The following SIDT1 variants were observed in gnomAD, a reference collection of about 807,000 sequenced individuals.
The protein encoded by SIDT1 is SID1 transmembrane family, member 1.
In SIDT1, 101 loss-of-function variants were observed where a neutral mutation model predicts 107.5. The ratio of observed to expected loss-of-function variants is 0.94; its 90% CI spans 0.80 to 1.11. The LOEUF (loss-of-function observed/expected upper bound fraction) is 1.11. Ranked by LOEUF, SIDT1 falls within the 50% of genes least tolerant of loss-of-function variation. SIDT1 has a pLI of 0.00. For synonymous variants in SIDT1, 395 were observed against 398.2 expected (o/e 0.99, Z 0.10); for missense variants, 1,076 against 1,058.2 (o/e 1.02, Z -0.23).
rs1442906232 is a variant in SIDT1 at position 113,626,230 on chromosome 3, A to G, written c.2421+15A>G. On this transcript the variant is annotated intron_variant, in intron 24 of 24. Transcript: ENST00000264852. ...TCTCATTCTTGGTGAGTTCATATCT[A>G]TCTTTTTGTGACTTTCTTCTCTCTT... is the stretch of plus-strand genomic sequence containing the variant. The G allele has an allele frequency of 6.5e-7, 1 of 1,547,992 alleles. No homozygotes were observed.
In SIDT1 at chr3:113,567,583, T is replaced by C. The variant is rs767861671; in HGVS notation, c.388T>C (p.Cys130Arg). 6.2e-7 allele frequency: 1 copy of C among 1,614,152 alleles called. No homozygotes were observed. Among genetic ancestry groups the C allele is most frequent in the Non-Finnish European group, 8.5e-7 (1 of 1,180,020 alleles). ...CTATCAAGAAGTGAGCCGCACCTTA[T>C]GTCCCTCAGAAGCAACCAATGAGAC... ...YNYQEVSRTL[C>R]PSEATNETGP... is the part of the protein sequence containing the mutation. Residue 130 changes from cysteine to arginine, a missense_variant, in exon 3 of 25, where the codon TGT (cysteine) becomes CGT (arginine). Cys to Arg is a radical substitution (Grantham distance 180). Transcript: ENST00000264852.
In SIDT1 at chr3:113,547,847, AG is replaced by A. The variant is rs561305818; in HGVS notation, c.222+14608del. Among the ~76,000 whole-genome samples the A allele has an allele frequency of 7.9e-5, 12 of 152,250 alleles. 1 individual carries two copies. In the South Asian group the frequency reaches 2.5e-3, roughly 32 times the overall value. Reference sequence around the variant, plus strand: ...TCTACAGTTGGTCTCAAGACTGGCCAGGGGTGCTAATACGTAATTATTAATA... The same window carrying A: ...TCTACAGTTGGTCTCAAGACTGGCCAGGGTGCTAATACGTAATTATTAATA... On this transcript the variant is annotated intron_variant, in intron 1 of 24. Coordinates refer to ENST00000264852, the MANE Select transcript of SIDT1 (RefSeq NM_017699.3).
chr3:113,576,832 T>G (rs1001080612), intron 3 of SIDT1, 90 bp from the exon 4 acceptor site: 1 of 1,376,510 alleles, frequency 7.3e-7, no homozygotes, highest in African/African-American at 1.4e-5. Context: ...TACTTTAAGA[T>G]GGCTTTCTTT....
the SIDT1 span, among the ~76,000 whole-genome samples, chr3:113,634,882 G>T: frequency 6.6e-6 from 1 of 152,270 alleles, no homozygotes; most frequent in Admixed American, 6.5e-5. Flanking sequence ...ATAAACCTGA[G>T]TAACAATGAA....
At chr3:113,622,828 T>C (rs1287154097) in intron 21 of SIDT1, among the ~76,000 whole-genome samples, 2 of 152,194 alleles carry the variant, frequency 1.3e-5, no homozygotes, top group East Asian at 3.8e-4. Context: ...TACATTGCAT[T>C]CAGTTATGGG....
chr3:113,619,757 C>T (rs1576982161), intron 21 of SIDT1, 31 bp downstream of exon 21: 1 of 1,601,142 alleles, frequency 6.2e-7, no homozygotes, highest in Non-Finnish European at 8.6e-7. Context: ...ATGTTTTTGC[C>T]TTTATTAATG....
At chr3:113,589,232 C>T (rs77493989) in intron 9 of SIDT1, among the ~76,000 whole-genome samples, 4,024 of 152,268 alleles carry the variant, frequency 0.026, 100 homozygotes, top group East Asian at 0.11. Flanking sequence ...AGCCATTTTG[C>T]AATCAATCTA....
rs747651215 is a variant in SIDT1 at position 113,581,357 on chromosome 3, G to T, written c.664-4G>T. On this transcript the variant is annotated splice_polypyrimidine_tract_variant and splice_region_variant and intron_variant, in intron 5 of 24. Transcript: ENST00000264852. ...TTCCATTTTATTCCTCATGCATGCTGCAGTGCCCGGTGTATGATCTCGACC... is the reference window on the plus strand; with the variant it reads ...TTCCATTTTATTCCTCATGCATGCTTCAGTGCCCGGTGTATGATCTCGACC... The T allele has an allele frequency of 3.1e-6, 5 of 1,612,478 alleles. No individual in the cohort carries two copies. The highest frequency in any genetic ancestry group is 1.7e-5 in the Admixed American group (1 of 60,010).
intron 10 of SIDT1, among the ~76,000 whole-genome samples, chr3:113,599,818 A>AAT (rs1250599033): frequency 6.6e-6 from 1 of 152,196 alleles, no homozygotes; most frequent in Non-Finnish European, 1.5e-5. Context: ...CAGTAGGAAG[A>AAT]ATATATATAG....
At chr3:113,555,366 A>G (rs553037576) in intron 1 of SIDT1, among the ~76,000 whole-genome samples, 54 of 152,324 alleles carry the variant, frequency 3.5e-4, no homozygotes, top group South Asian at 2.1e-4. Context: ...GAAGAGTGCT[A>G]TGTCTACACT....
chr3:113,580,812 T>C, intron 5 of SIDT1, 103 bp downstream of exon 5: 1 of 762,470 alleles, frequency 1.3e-6, no homozygotes, highest in South Asian at 1.6e-5. Context: ...ACTGTGTATC[T>C]CCCTTCCAAA....
Position 113,603,150 on chromosome 3 carries a change from G to C in SIDT1, c.1263G>C (p.Lys421Asn), listed in dbSNP as rs1046741200. The change falls in exon 12 of 25, where the codon AAG becomes AAC. Residue 421 changes from lysine (K) to asparagine (N), a missense_variant and splice_region_variant. Lys to Asn is a moderately conservative substitution (Grantham distance 94). Transcript: ENST00000264852. Reference sequence around the variant, plus strand: ...GTGATAAAAACATCATCCGGACCAAGGTACCCACTCTGCCTCGCCGTACTC... The same window carrying C: ...GTGATAAAAACATCATCCGGACCAACGTACCCACTCTGCCTCGCCGTACTC... ...IESDKNIIRT[K>N]MFLYLSDLSR... The C allele has an allele frequency of 1.9e-6, 3 of 1,613,084 alleles. No homozygotes were observed. Among genetic ancestry groups the C allele is most frequent in the Non-Finnish European group, 1.7e-6 (2 of 1,179,536 alleles).
chr3:113,577,971 C>A (rs913719106), intron 4 of SIDT1, among the ~76,000 whole-genome samples: 5 of 152,196 alleles, frequency 3.3e-5, no homozygotes, highest in Admixed American at 1.3e-4. Context: ...AATCAGCTCT[C>A]CCAAGCCTGA....
At chr3:113,558,433 G>A (rs1395518567) in intron 1 of SIDT1, among the ~76,000 whole-genome samples, 1 of 152,070 alleles carries the variant, frequency 6.6e-6, no homozygotes. Context: ...TTTGATTTCT[G>A]CACATCTTAC....
chr3:113,564,198 C>T (rs535950215), intron 1 of SIDT1, among the ~76,000 whole-genome samples: 6 of 152,316 alleles, frequency 3.9e-5, no homozygotes, highest in African/African-American at 7.2e-5. Context: ...CCTCGGCCTC[C>T]GAAAGTGCTG....
Position 113,623,606 on chromosome 3 carries a change from T to C in SIDT1, c.2197-17T>C. 6.2e-7 allele frequency: 1 copy of C among 1,608,576 alleles called. No individual in the cohort carries two copies. Among genetic ancestry groups the C allele is most frequent in the Non-Finnish European group, 8.5e-7 (1 of 1,175,030 alleles). The stretch of plus-strand genomic sequence containing the variant: ...AGGCGGGGTCGCGTGAGGCCGCATC[T>C]GCTTCTCCTCCCACAGCTCCGCAGC... On this transcript the variant is annotated splice_polypyrimidine_tract_variant and intron_variant, in intron 22 of 24. Transcript: ENST00000264852.
intron 1 of SIDT1, among the ~76,000 whole-genome samples, chr3:113,555,602 C>CTT (rs1940764730): frequency 6.6e-6 from 1 of 152,080 alleles, no homozygotes; most frequent in Non-Finnish European, 1.5e-5. Flanking sequence ...AGGATGAAGG[C>CTT]TTATATGATT....
Position 113,612,030 on chromosome 3 carries a change from T to C in SIDT1, c.1858-56T>C, listed in dbSNP as rs79084426. ...ACACATACAGGAGAGAGGATGATTT[T>C]GATGAGTTTTCTAGGGAAAACCTCA... On this transcript the variant is annotated intron_variant, in intron 18 of 24. Coordinates refer to ENST00000264852, the MANE Select transcript of SIDT1 (RefSeq NM_017699.3). 4.8e-3 allele frequency: 6,150 copies of C among 1,276,960 alleles called. 158 individuals are homozygous for C. In the Admixed American group the frequency reaches 0.053, roughly 11 times the overall value. 79.1% of individuals were successfully genotyped at this position (1,276,960 alleles called of 1,614,324 possible).
At position 113,603,049 on chromosome 3, in the gene SIDT1, G is replaced by C; in HGVS notation, c.1162G>C (p.Gly388Arg). ...SPGRQMSSSDGGPPGQSDTDS... is the reference protein window; with the variant it reads ...SPGRQMSSSDRGPPGQSDTDS... ...TGGAAGGCAGATGTCCTCCTCCGAT[G>C]GTGGGCCACCGGGCCAGTCAGACAC... The change falls in exon 12 of 25, where the codon GGT becomes CGT. Residue 388 changes from glycine (G) to arginine (R), a missense_variant. Physicochemically the swap from Gly to Arg is moderately radical, Grantham distance 125. Transcript: ENST00000264852. 2 of 1,614,154 alleles carry C rather than the reference G, an allele frequency of 1.2e-6. No individual in the cohort carries two copies. Among genetic ancestry groups the C allele is most frequent in the South Asian group, 2.2e-5 (2 of 91,078 alleles).
Sources: allele counts gnomAD v4.1 joint callset (sites outside exome capture counted in the v4.1 genomes callset), GRCh38; gene constraint gnomAD v4.1.1; transcripts MANE v1.5; gene names NCBI Gene and HGNC (gene_info 2026-07-23, HGNC 2026-07-21).